The following RRAGB variants were observed in gnomAD, a reference collection of about 807,000 sequenced individuals.
RRAGB encodes the protein Ras related GTP binding B.
In RRAGB, 6 loss-of-function variants were observed where a neutral mutation model predicts 29.3. The observed-to-expected ratio is 0.21, with a 90% CI of 0.11 to 0.40. RRAGB has a LOEUF of 0.40. Among genes scored for constraint, RRAGB ranks in the 10% least tolerant of loss-of-function variants. The probability of loss-of-function intolerance (pLI) is 1.00; values close to 1 mark genes in which losing one functional copy is unlikely to be tolerated. For missense variants in RRAGB, 184 were observed against 272.9 expected, an observed-to-expected ratio of 0.67 and a Z score of 2.29; for synonymous variants, 101 against 92.5, an observed-to-expected ratio of 1.09 and a Z score of -0.53.
At chrX:55,730,177 A>G (rs1484803458) in intron 4 of RRAGB, among the ~76,000 whole-genome samples, 4 of 112,509 alleles carry the variant, frequency 3.6e-5, no homozygotes, top group African/African-American at 1.3e-4. Context: ...CGCTCTTAGC[A>G]TAGAGCCAGC....
At chrX:55,737,731 C>G (rs2033914373) in intron 5 of RRAGB, among the ~76,000 whole-genome samples, 1 of 112,804 alleles carries the variant, frequency 8.9e-6, no homozygotes, top group Non-Finnish European at 1.9e-5. Context: ...TGCTGCGCAT[C>G]TGGTCTAGCC....
At chrX:55,738,695 G>T (rs2033948889) in intron 5 of RRAGB, among the ~76,000 whole-genome samples, 1 of 112,091 alleles carries the variant, frequency 8.9e-6, no homozygotes, top group Non-Finnish European at 1.9e-5. Context: ...TTGCCCTCTA[G>T]CCAGGAGGTG....
chrX:55,734,344 T>G lies in RRAGB; in HGVS notation c.516+2758T>G, dbSNP rs138586051. Among the ~76,000 whole-genome samples the G allele has an allele frequency of 2.8e-3, 303 of 109,776 alleles. 1 individual carries two copies. Among genetic ancestry groups the G allele is most frequent in the South Asian group, 0.017 (42 of 2,514 alleles). ...CAGGATTTCTATTTCTTTTCCTGATTGAAGCTTGTGTGGTTGTATATTTCC... is the reference window on the plus strand; with the variant it reads ...CAGGATTTCTATTTCTTTTCCTGATGGAAGCTTGTGTGGTTGTATATTTCC... On this transcript the variant is annotated intron_variant, in intron 5 of 9. Coordinates refer to ENST00000374941, the MANE Select transcript of RRAGB (RefSeq NM_006064.5).
intron 5 of RRAGB, among the ~76,000 whole-genome samples, chrX:55,747,811 C>T (rs1053577828): frequency 1.3e-5 from 1 of 76,248 alleles, no homozygotes; most frequent in African/African-American, 4.6e-5. Flanking sequence ...AGATTATTCT[C>T]GCTCCCTCTC....
chrX:55,719,252 C>T, intron 1 of RRAGB, 62 bp from the exon 2 acceptor site: 2 of 982,476 alleles, frequency 2.0e-6, no homozygotes, highest in Non-Finnish European at 2.8e-6. Flanking sequence ...ATTTATACTT[C>T]ATTAATTTCA....
chrX:55,753,955 G>A lies in RRAGB; in HGVS notation c.735+441G>A, dbSNP rs144714110. On this transcript the variant is annotated intron_variant, in intron 7 of 9. Transcript: ENST00000374941. Reference sequence around the variant, plus strand: ...AGCTACTTGGGAGGCTGAGGCAGGAGAATCGCTTGAACTCGGGAGGCGGAG... The same window carrying A: ...AGCTACTTGGGAGGCTGAGGCAGGAAAATCGCTTGAACTCGGGAGGCGGAG... 9.2e-3 allele frequency among the ~76,000 whole-genome samples: 1,026 copies of A among 111,977 alleles called. 10 individuals carry two copies. The highest frequency in any genetic ancestry group is 0.032 in the African/African-American group (986 of 30,791).
At chrX:55,721,373 A>G (rs2033273559) in intron 2 of RRAGB, among the ~76,000 whole-genome samples, 1 of 112,227 alleles carries the variant, frequency 8.9e-6, no homozygotes, top group Non-Finnish European at 1.9e-5. Flanking sequence ...GACTCAGAAT[A>G]TCTTCTTGCA....
intron 5 of RRAGB, 107 bp downstream of exon 5, chrX:55,731,693 CAGA>C: frequency 1.9e-6 from 1 of 521,021 alleles, no homozygotes; most frequent in Admixed American, 4.4e-5. Flanking sequence ...AAAAAGTCAG[CAGA>C]AGTTTTGAAA....
At chrX:55,739,066 C>T (rs1310554794) in intron 5 of RRAGB, among the ~76,000 whole-genome samples, 1 of 112,656 alleles carries the variant, frequency 8.9e-6, no homozygotes, top group Non-Finnish European at 1.9e-5. Flanking sequence ...CACCCAACTC[C>T]CACAGCTTTG....
intron 5 of RRAGB, among the ~76,000 whole-genome samples, chrX:55,732,432 G>A (rs2147087373): frequency 8.9e-6 from 1 of 111,890 alleles, no homozygotes; most frequent in South Asian, 3.7e-4. Flanking sequence ...AGGATATGCT[G>A]GTCATATAGA....
chrX:55,755,808 C>T, intron 7 of RRAGB, 33 bp from the exon 8 acceptor site: 4 of 1,172,288 alleles, frequency 3.4e-6, no homozygotes, highest in Non-Finnish European at 4.6e-6. Flanking sequence ...AACTATTTTG[C>T]ATGGATTCAA....
intron 3 of RRAGB, 32 bp from the exon 4 acceptor site, chrX:55,729,262 T>C: frequency 2.8e-6 from 3 of 1,052,685 alleles, no homozygotes; most frequent in South Asian, 1.9e-5. Flanking sequence ...TCACCTGTTA[T>C]AATTACTAGA....
intron 9 of RRAGB, among the ~76,000 whole-genome samples, chrX:55,757,874 A>G (rs1270297580): frequency 5.4e-5 from 6 of 111,784 alleles, no homozygotes; most frequent in Non-Finnish European, 7.5e-5. Context: ...AACCATGACT[A>G]TCACAACCAT....
chrX:55,721,023 G>A (rs753568970), intron 2 of RRAGB, among the ~76,000 whole-genome samples: 6 of 112,128 alleles, frequency 5.4e-5, no homozygotes, highest in East Asian at 2.8e-4. Context: ...TCATTGACGA[G>A]TGCTCTCTGT....
At chrX:55,733,114 C>T (rs1716257022) in intron 5 of RRAGB, among the ~76,000 whole-genome samples, 1 of 111,039 alleles carries the variant, frequency 9.0e-6, no homozygotes, top group African/African-American at 3.3e-5. Context: ...TCTTCCCTCA[C>T]CCCCCACAAC....
intron 5 of RRAGB, among the ~76,000 whole-genome samples, chrX:55,738,957 C>T (rs1465282878): frequency 1.8e-5 from 2 of 112,008 alleles, no homozygotes; most frequent in Non-Finnish European, 3.8e-5. Context: ...GAGGGCAGTT[C>T]CCTGGCCACT....
At chrX:55,721,726 G>GT (rs2033286464) in intron 2 of RRAGB, among the ~76,000 whole-genome samples, 1 of 111,871 alleles carries the variant, frequency 8.9e-6, no homozygotes, top group South Asian at 3.7e-4. Context: ...GAGCATAGAG[G>GT]TAAGTAGAAG....
chrX:55,751,374 G>T, intron 6 of RRAGB, 178 bp downstream of exon 6: 1 of 365,629 alleles, frequency 2.7e-6, no homozygotes, highest in Non-Finnish European at 4.7e-6. Flanking sequence ...TAAGAGACTT[G>T]GGTTTTGATC....
At chrX:55,757,116 A>T in intron 8 of RRAGB, 100 bp from the exon 9 acceptor site, 1 of 373,334 alleles carries the variant, frequency 2.7e-6, no homozygotes, top group East Asian at 3.8e-5. Context: ...ATTGAGGTAT[A>T]GTGCTATACC....
Sources: gnomAD v4.1 joint callset for allele counts (sites outside exome capture counted in the v4.1 genomes callset) on GRCh38, gnomAD v4.1.1 for gene constraint, MANE v1.5 for transcripts, NCBI Gene and HGNC (gene_info 2026-07-23, HGNC 2026-07-21) for gene names.